Variants in IQCM observed in about 807,000 individuals in gnomAD.
IQCM encodes the protein IQ domain-containing protein M.
A neutral mutation model predicts 57.6 loss-of-function variants in IQCM; 45 were observed. The ratio of observed to expected loss-of-function variants is 0.78; its 90% CI spans 0.62 to 1.00. IQCM has a LOEUF of 1.00. IQCM is among the 50% of genes least tolerant of loss of function. The probability of loss-of-function intolerance (pLI) is 0.00; values close to 1 mark genes in which losing one functional copy is unlikely to be tolerated. For missense variants in IQCM, 468 were observed against 511.6 expected (o/e 0.91, Z 0.82); for synonymous variants, 148 against 158.9 (o/e 0.93, Z 0.51).
At chr4:149,511,361 A>G (rs960470707) in intron 12 of IQCM, among the ~76,000 whole-genome samples, 1 of 151,404 alleles carries the variant, frequency 6.6e-6, no homozygotes, top group South Asian at 2.1e-4. Context: ...TCTACTAACA[A>G]TACAAAAAAA....
At position 149,535,994 on chromosome 4, in the gene IQCM, G is replaced by C. The variant is rs181930316; in HGVS notation, c.1228+12461C>G. Among the ~76,000 whole-genome samples the C allele has an allele frequency of 1.2e-3, 190 of 152,130 alleles. 2 individuals are homozygous for C. Among genetic ancestry groups the C allele is most frequent in the Non-Finnish European group, 2.2e-3 (148 of 67,908 alleles). On this transcript the variant is annotated intron_variant, in intron 12 of 13. Transcript: ENST00000636793. ...ACCATCTTTAAAAAGTGCTAGGGAA[G>C]AGAGCAGGCAGAATTGTAGGAACAG...
chr4:149,776,227 C>T (rs1362731318), intron 2 of IQCM, among the ~76,000 whole-genome samples: 2 of 151,880 alleles, frequency 1.3e-5, no homozygotes, highest in African/African-American at 4.8e-5. Flanking sequence ...ATATAATCAC[C>T]CTAACTATGG....
intron 5 of IQCM, among the ~76,000 whole-genome samples, chr4:149,714,124 A>G (rs1309351779): frequency 6.6e-6 from 1 of 152,138 alleles, no homozygotes; most frequent in Non-Finnish European, 1.5e-5. Flanking sequence ...CCCAATGTCA[A>G]TTTTAAGTCT....
intron 13 of IQCM, among the ~76,000 whole-genome samples, chr4:149,396,373 A>C (rs878955756): frequency 2.0e-5 from 3 of 151,800 alleles, no homozygotes; most frequent in Admixed American, 2.0e-4. Context: ...AAATGTTCTT[A>C]CCATAATTTT....
intron 2 of IQCM, among the ~76,000 whole-genome samples, chr4:149,760,161 A>G (rs977282387): frequency 1.3e-5 from 2 of 152,022 alleles, no homozygotes; most frequent in Non-Finnish European, 2.9e-5. Flanking sequence ...ACAGCAAGGA[A>G]GGCCCAAACA....
At chr4:149,745,838 G>A (rs935745030) in intron 2 of IQCM, among the ~76,000 whole-genome samples, 1 of 152,018 alleles carries the variant, frequency 6.6e-6, no homozygotes, top group African/African-American at 2.4e-5. Flanking sequence ...TGGGTGGGGT[G>A]CATTCATATA....
At chr4:149,603,986 A>T (rs1485535074) in intron 8 of IQCM, among the ~76,000 whole-genome samples, 1 of 152,092 alleles carries the variant, frequency 6.6e-6, no homozygotes, top group Non-Finnish European at 1.5e-5. Context: ...TATTATTAGT[A>T]CTACTGCTGC....
chr4:149,422,364 T>C (rs111895169), intron 13 of IQCM, among the ~76,000 whole-genome samples: 6 of 152,010 alleles, frequency 3.9e-5, no homozygotes, highest in African/African-American at 1.4e-4. Context: ...AAGGCTAGGG[T>C]ACCTTAGTCC....
At chr4:149,721,096 A>G (rs1163517425) in intron 5 of IQCM, among the ~76,000 whole-genome samples, 1 of 152,160 alleles carries the variant, frequency 6.6e-6, no homozygotes, top group East Asian at 1.9e-4. Context: ...TACTGATTCA[A>G]CTAATGGCAG....
chr4:149,431,931 T>TTTTATA lies in IQCM; in HGVS notation c.1390+1464_1390+1465insTATAAA, dbSNP rs1553963969. 2.8e-3 allele frequency among the ~76,000 whole-genome samples: 417 copies of TTTTATA among 146,658 alleles called. 3 individuals carry two copies. Among genetic ancestry groups the TTTTATA allele is most frequent in the African/African-American group, 9.8e-3 (395 of 40,274 alleles). On this transcript the variant is annotated intron_variant, in intron 13 of 13. Transcript: ENST00000636793. ...TTTTGGCAACTTTGAATAATGTTGA[T>TTTTATA]TATATATATATATATATATGTGTAT...
intron 2 of IQCM, among the ~76,000 whole-genome samples, chr4:149,812,505 C>CACACACACAG (rs1774667973): frequency 8.7e-6 from 1 of 114,624 alleles, no homozygotes; most frequent in African/African-American, 3.9e-5. Flanking sequence ...CACACACAGA[C>CACACACACAG]ACACACACAC....
intron 13 of IQCM, among the ~76,000 whole-genome samples, chr4:149,362,986 C>G (rs1167941180): frequency 1.3e-5 from 2 of 152,212 alleles, no homozygotes; most frequent in Non-Finnish European, 2.9e-5. Flanking sequence ...TTTGTTTTGA[C>G]TTTCCACTCT....
At position 149,815,749 on chromosome 4, in the gene IQCM, AAG is replaced by A. The variant is rs1297996717; in HGVS notation, c.-238_-237del. 1 of 152,000 alleles carries A rather than the reference AAG, an allele frequency of 6.6e-6. No homozygotes were observed. The highest frequency in any genetic ancestry group is 1.5e-5 in the Non-Finnish European group (1 of 67,926). 9.4% of individuals were successfully genotyped at this position (152,000 alleles called of 1,614,324 possible). A position where few individuals can be genotyped will look rare whatever the true frequency, so the allele number is the denominator to read the frequency against. On this transcript the variant is annotated 5_prime_UTR_variant, in exon 1 of 14. Transcript: ENST00000636793. ...CAGCTTTATATTTCTTTAAATTTTT[AAG>A]ACCAATTCAAAATAGGTAATGAATA...
At chr4:149,435,510 G>T (rs1438677904) in intron 12 of IQCM, among the ~76,000 whole-genome samples, 5 of 151,338 alleles carry the variant, frequency 3.3e-5, no homozygotes, top group Admixed American at 6.6e-5. Context: ...GCTGTTAGTG[G>T]TTTCTGTATT....
chr4:149,773,089 C>T (rs1770739813), intron 2 of IQCM, among the ~76,000 whole-genome samples: 1 of 152,094 alleles, frequency 6.6e-6, no homozygotes, highest in African/African-American at 2.4e-5. Flanking sequence ...TGGTGGCTCA[C>T]GCCTCTAATC....
rs1330960916 is a variant in IQCM at position 149,352,067 on chromosome 4, C to T, written c.1391-1G>A. 5.0e-6 allele frequency: 2 copies of T among 398,828 alleles called. No homozygotes were observed. The highest frequency in any genetic ancestry group is 4.1e-5 in the African/African-American group (2 of 48,622). The allele number at this position is 398,828 out of a possible 1,614,324, so 24.7% of individuals were successfully genotyped here. A position where few individuals can be genotyped will look rare whatever the true frequency, so the allele number is the denominator to read the frequency against. ...CGTTTGAGTGCTGGATGTCCATTTA[C>T]TATAATACAAAACATACAGTCACAT... On this transcript the variant is annotated splice_acceptor_variant, in intron 13 of 13. Coordinates refer to ENST00000636793, the MANE Select transcript of IQCM (RefSeq NM_001363507.2). LOFTEE classifies it high-confidence loss of function.
chr4:149,422,778 G>T (rs1049535111), intron 13 of IQCM, among the ~76,000 whole-genome samples: 5 of 151,832 alleles, frequency 3.3e-5, no homozygotes, highest in Non-Finnish European at 5.9e-5. Flanking sequence ...CCTCCTAACT[G>T]GCTCTCTGTA....
In IQCM at chr4:149,686,433, C is replaced by T; in HGVS notation, c.421G>A (p.Glu141Lys). 1 of 1,227,458 alleles carries T rather than the reference C, an allele frequency of 8.1e-7. No homozygotes were observed. Among genetic ancestry groups the T allele is most frequent in the Middle Eastern group, 3.1e-4 (1 of 3,196 alleles). 76.0% of individuals were successfully genotyped at this position (1,227,458 alleles called of 1,614,324 possible). ...GTCTCCATTTTTTTACTCACTGGTTCAATAATAGTCATGATTTTATCCAAT... is the reference window on the plus strand; with the variant it reads ...GTCTCCATTTTTTTACTCACTGGTTTAATAATAGTCATGATTTTATCCAAT... ...VKLDKIMTII[E>K]PVSKKMETAK... The change falls in exon 6 of 14, where the codon GAA (glutamate) becomes AAA (lysine). Residue 141 changes from glutamate to lysine, a missense_variant. By Grantham distance (56) the Glu-to-Lys change is moderately conservative. Coordinates refer to ENST00000636793, the MANE Select transcript of IQCM (RefSeq NM_001363507.2).
chr4:149,795,452 G>A (rs776639863), intron 2 of IQCM, among the ~76,000 whole-genome samples: 4 of 152,156 alleles, frequency 2.6e-5, no homozygotes, highest in Non-Finnish European at 5.9e-5. Context: ...GAGTTCCCAC[G>A]AGCCTCACCA....
Sources: allele counts gnomAD v4.1 joint callset (sites outside exome capture counted in the v4.1 genomes callset), GRCh38; gene constraint gnomAD v4.1.1; transcripts MANE v1.5; gene names NCBI Gene and HGNC (gene_info 2026-07-23, HGNC 2026-07-21).